The following ARL17B variants were observed in gnomAD, a reference collection of about 807,000 sequenced individuals.
The protein encoded by ARL17B is ARF like GTPase 17B, also known as ADP-ribosylation factor-like protein 17.
intron 4 of ARL17B, among the ~76,000 whole-genome samples, chr17:46,284,764 A>G (rs1281640192): frequency 6.6e-6 from 1 of 152,268 alleles, no homozygotes; most frequent in East Asian, 1.9e-4. Flanking sequence ...ATGTTAGATA[A>G]CATTCAACCA....
At chr17:46,356,957 G>A (rs1228272525) in intron 2 of ARL17B, among the ~76,000 whole-genome samples, 1 of 32,176 alleles carries the variant, frequency 3.1e-5, no homozygotes, top group Non-Finnish European at 5.1e-5. Context: ...CAGATCATTT[G>A]AGGTCAGGAG....
At chr17:46,291,182 C>T (rs2050056023) in intron 4 of ARL17B, among the ~76,000 whole-genome samples, 1 of 152,230 alleles carries the variant, frequency 6.6e-6, no homozygotes, top group Admixed American at 6.5e-5. Context: ...TTTCCTAGTT[C>T]ATATATTTTT....
rs2144331685 is a variant in ARL17B at position 46,357,497 on chromosome 17, G to A, written c.148+753C>T. On this transcript the variant is annotated intron_variant, in intron 2 of 3. Coordinates refer to ENST00000450673, the MANE Select transcript of ARL17B (RefSeq NM_001039083.5). ...CACTCCATCTCTAAGCACTGGGAGCGTACTTGGTGTAGAGATGAGATGCTG... is the reference window on the plus strand; with the variant it reads ...CACTCCATCTCTAAGCACTGGGAGCATACTTGGTGTAGAGATGAGATGCTG... Among the ~76,000 whole-genome samples the A allele has an allele frequency of 1.4e-4, 2 of 14,486 alleles. 1 individual carries two copies. Among genetic ancestry groups the A allele is most frequent in the African/African-American group, 1.5e-4 (2 of 12,914 alleles). The allele number at this position is 14,486 out of a possible 152,430, so 9.5% of individuals were successfully genotyped here.
intron 4 of ARL17B, among the ~76,000 whole-genome samples, chr17:46,289,567 T>C (rs138516904): frequency 3.3e-5 from 5 of 151,274 alleles, no homozygotes; most frequent in African/African-American, 7.3e-5. Flanking sequence ...CTCGAACTCC[T>C]GACCTCAGGT....
Position 46,325,017 on chromosome 17 carries a change from A to G in ARL17B, c.260-25352T>C, listed in dbSNP as rs1247176936. ...GGGCTGGTTGAGGGAATTTTGCAAG[A>G]TTAGCATGGAAAGGGCCCTTCATTT... On this transcript the variant is annotated intron_variant, in intron 3 of 4. Transcript: ENST00000434041. 6.5e-5 allele frequency among the ~76,000 whole-genome samples: 5 copies of G among 76,580 alleles called. 2 individuals are homozygous for G. The highest frequency in any genetic ancestry group is 1.2e-4 in the Non-Finnish European group (3 of 26,080). 50.2% of individuals were successfully genotyped at this position (76,580 alleles called of 152,430 possible). A position where few individuals can be genotyped will look rare whatever the true frequency, so the allele number is the denominator to read the frequency against.
At chr17:46,282,387 T>C (rs1280081439) in intron 4 of ARL17B, among the ~76,000 whole-genome samples, 1 of 151,020 alleles carries the variant, frequency 6.6e-6, no homozygotes, top group African/African-American at 2.4e-5. Flanking sequence ...ACAGGCGTGA[T>C]CCACCGCACC....
intron 3 of ARL17B, among the ~76,000 whole-genome samples, chr17:46,315,915 T>C (rs2051070533): frequency 1.4e-5 from 1 of 69,724 alleles, no homozygotes. Flanking sequence ...TGTAAGTATC[T>C]TTTTCTTTTT....
At chr17:46,279,527 G>A (rs1246836739) in intron 4 of ARL17B, among the ~76,000 whole-genome samples, 3 of 142,890 alleles carry the variant, frequency 2.1e-5, no homozygotes, top group East Asian at 4.1e-4. Flanking sequence ...TTTGAGATAG[G>A]GTCTTGTTGT....
At chr17:46,281,323 G>A (rs1199975954) in intron 4 of ARL17B, among the ~76,000 whole-genome samples, 1 of 151,676 alleles carries the variant, frequency 6.6e-6, no homozygotes, top group Non-Finnish European at 1.5e-5. Context: ...TTTGCTGAGT[G>A]AATGAATTTA....
At chr17:46,274,915 G>C (rs1251052001) in exon 5 of ARL17B, 1 of 151,760 alleles carries the variant, frequency 6.6e-6, no homozygotes, top group Non-Finnish European at 1.5e-5. Context: ...TTTTTGAAAC[G>C]GAGTTTTGTT....
At chr17:46,304,917 G>T (rs2050469869) in intron 3 of ARL17B, among the ~76,000 whole-genome samples, 1 of 68,418 alleles carries the variant, frequency 1.5e-5, no homozygotes, top group Non-Finnish European at 4.5e-5. Flanking sequence ...CGCCCAGGCT[G>T]GAGTGCAGTG....
intron 3 of ARL17B, among the ~76,000 whole-genome samples, chr17:46,307,824 C>A (rs1315401024): frequency 1.3e-5 from 1 of 78,186 alleles, no homozygotes; most frequent in East Asian, 2.5e-4. Context: ...ACCAGCCTGA[C>A]CAACATGGTG....
At chr17:46,291,969 C>CAAAAA (rs59554870) in intron 4 of ARL17B, among the ~76,000 whole-genome samples, 147 of 58,016 alleles carry the variant, frequency 2.5e-3, no homozygotes, top group Admixed American at 3.8e-3. Context: ...TCTCAAAAAG[C>CAAAAA]AAAAAAAAAA....
rs1451644903 is a variant in ARL17B, at chr17:46,307,828, C to T, written c.260-8163G>A. ...AGGAGTTCAAGACCAGCCTGACCAA[C>T]ATGGTGAAACCTGTCTCTACTAAAA... is the stretch of plus-strand genomic sequence containing the variant. On this transcript the variant is annotated intron_variant, in intron 3 of 4. Coordinates refer to the ARL17B transcript ENST00000434041. Among the ~76,000 whole-genome samples the T allele has an allele frequency of 2.6e-5, 2 of 78,144 alleles. 1 individual carries two copies. Among genetic ancestry groups the T allele is most frequent in the Non-Finnish European group, 7.8e-5 (2 of 25,726 alleles). 51.3% of individuals were successfully genotyped at this position (78,144 alleles called of 152,430 possible).
intron 4 of ARL17B, among the ~76,000 whole-genome samples, chr17:46,276,156 G>A (rs2049581988): frequency 1.3e-5 from 2 of 152,258 alleles, no homozygotes; most frequent in Admixed American, 6.5e-5. Context: ...CTCCCAAAGT[G>A]CTGGGATTAC....
chr17:46,280,031 T>G (rs1273386787), intron 4 of ARL17B, among the ~76,000 whole-genome samples: 1 of 152,186 alleles, frequency 6.6e-6, no homozygotes, highest in African/African-American at 2.4e-5. Context: ...TGAGTCAGAG[T>G]AATTCTCATT....
At chr17:46,276,790 C>CTTTTTTTTTTTTTTTTTTTTTTTTTTTT (rs75549659) in intron 4 of ARL17B, among the ~76,000 whole-genome samples, 1 of 134,320 alleles carries the variant, frequency 7.4e-6, no homozygotes, top group Non-Finnish European at 1.6e-5. Flanking sequence ...TTCTTTTTTT[C>CTTTTTTTTTTTTTTTTTTTTTTTTTTTT]TTTTTTTTTT....
At chr17:46,291,810 G>A (rs1298804508) in intron 4 of ARL17B, among the ~76,000 whole-genome samples, 1 of 151,794 alleles carries the variant, frequency 6.6e-6, no homozygotes, top group African/African-American at 2.4e-5. Context: ...CCCAAAATTA[G>A]CCAGAGATGG....
intron 4 of ARL17B, among the ~76,000 whole-genome samples, chr17:46,288,003 T>C (rs2732612): frequency 0.14 from 20,935 of 150,682 alleles, 1,875 homozygotes; most frequent in Non-Finnish European, 0.21. Context: ...GCAGGCTGGC[T>C]TTGCCGATAC....
Sources: allele counts gnomAD v4.1 joint callset (sites outside exome capture counted in the v4.1 genomes callset), GRCh38; gene constraint gnomAD v4.1.1; transcripts MANE v1.5; gene names NCBI Gene and HGNC (gene_info 2026-07-23, HGNC 2026-07-21).